Variants in CSMD1 observed in about 807,000 individuals in gnomAD.
CSMD1 encodes the protein CUB and sushi domain-containing protein 1.
Under a neutral mutation model 417.5 loss-of-function variants are expected in CSMD1, and 213 were observed. The observed-to-expected ratio is 0.51, with a 90% CI of 0.46 to 0.57. CSMD1 has a LOEUF of 0.57. CSMD1 is among the 20% of genes least tolerant of loss of function. The pLI is 0.00. For missense variants in CSMD1, 6,923 were observed against 4,529.7 expected, an observed-to-expected ratio of 1.53 and a Z score of -15.17; for synonymous variants, 2,862 against 1,736.8, an observed-to-expected ratio of 1.65 and a Z score of -16.11.
At chr8:3,988,908 T>C (rs948406770) in intron 5 of CSMD1, among the ~76,000 whole-genome samples, 3 of 152,232 alleles carry the variant, frequency 2.0e-5, no homozygotes, top group African/African-American at 7.2e-5. Context: ...GATCAATGTT[T>C]TAAAAGTTGA....
chr8:4,207,320 G>C (rs73658481), intron 3 of CSMD1, among the ~76,000 whole-genome samples: 1 of 152,056 alleles, frequency 6.6e-6, no homozygotes, highest in Admixed American at 6.6e-5. Flanking sequence ...ACTTTTAGTG[G>C]CTAGGACTCG....
chr8:3,128,583 C>A, intron 41 of CSMD1: 1 of 288,256 alleles, frequency 3.5e-6, no homozygotes, highest in East Asian at 9.1e-5. Context: ...ATTTGACTTA[C>A]ATATCAGAGT....
chr8:3,821,757 G>A (rs1023432664), intron 5 of CSMD1, among the ~76,000 whole-genome samples: 1 of 152,140 alleles, frequency 6.6e-6, no homozygotes, highest in Non-Finnish European at 1.5e-5. Flanking sequence ...ACTCCAGCCT[G>A]GGTGACAGAG....
intron 3 of CSMD1, among the ~76,000 whole-genome samples, chr8:4,299,343 G>A (rs933541175): frequency 1.8e-4 from 28 of 152,076 alleles, no homozygotes; most frequent in Non-Finnish European, 3.7e-4. Flanking sequence ...CCAAGAGGGG[G>A]TTTTTACTTG....
intron 1 of CSMD1, among the ~76,000 whole-genome samples, chr8:4,764,897 AC>A (rs796905078): frequency 6.5e-3 from 101 of 15,604 alleles, no homozygotes; most frequent in African/African-American, 0.023. Context: ...AAAAAAAACA[AC>A]AACAACAAAA....
intron 3 of CSMD1, among the ~76,000 whole-genome samples, chr8:4,296,178 C>T (rs1409177584): frequency 6.6e-6 from 1 of 152,102 alleles, no homozygotes; most frequent in Non-Finnish European, 1.5e-5. Flanking sequence ...GGGTCTCCCT[C>T]CTGGCACCTT....
intron 18 of CSMD1, among the ~76,000 whole-genome samples, chr8:3,377,985 G>C (rs59125032): frequency 0.054 from 8,210 of 152,230 alleles, 418 homozygotes; most frequent in South Asian, 0.19. Flanking sequence ...TCATGGCCTG[G>C]AGCAATTCCA....
At chr8:3,007,804 G>T (rs565349906) in intron 52 of CSMD1, among the ~76,000 whole-genome samples, 1 of 149,302 alleles carries the variant, frequency 6.7e-6, no homozygotes. Flanking sequence ...ATAGCATCGG[G>T]AGATATACCT....
In CSMD1 at chr8:4,446,891, G is replaced by A. The variant is rs538056847; in HGVS notation, c.303-26826C>T. 9.2e-5 allele frequency among the ~76,000 whole-genome samples: 14 copies of A among 151,446 alleles called. No individual in the cohort carries two copies. The South Asian group carries it at 2.5e-3, about 27-fold the overall frequency. On this transcript the variant is annotated intron_variant, in intron 2 of 69. Coordinates refer to ENST00000635120, the MANE Select transcript of CSMD1 (RefSeq NM_033225.6). Reference sequence around the variant, plus strand: ...CCGCCTTGGCCTCCCAATGTTCTGGGATTACAGGCGTGAGCCATTGCGCCT... The same window carrying A: ...CCGCCTTGGCCTCCCAATGTTCTGGAATTACAGGCGTGAGCCATTGCGCCT...
At chr8:4,153,685 G>A (rs919220244) in intron 3 of CSMD1, among the ~76,000 whole-genome samples, 26 of 152,288 alleles carry the variant, frequency 1.7e-4, no homozygotes, top group African/African-American at 5.3e-4. Flanking sequence ...TGGAATTTCC[G>A]CTTCCATCAA....
intron 18 of CSMD1, among the ~76,000 whole-genome samples, chr8:3,385,519 T>C (rs1810954024): frequency 6.6e-6 from 1 of 152,058 alleles, no homozygotes. Flanking sequence ...TACTTTTGCA[T>C]TTGTTAGGAT....
intron 3 of CSMD1, among the ~76,000 whole-genome samples, chr8:4,371,805 G>C (rs974192598): frequency 6.6e-6 from 1 of 152,160 alleles, no homozygotes; most frequent in Non-Finnish European, 1.5e-5. Context: ...TTGTTGGACT[G>C]CCAAGCAATT....
chr8:4,107,617 C>G (rs190727229), intron 3 of CSMD1, among the ~76,000 whole-genome samples: 2 of 152,286 alleles, frequency 1.3e-5, no homozygotes, highest in Admixed American at 1.3e-4. Flanking sequence ...ATGAGCGACT[C>G]AAACTGCATG....
At chr8:3,456,670 T>C (rs1350771503) in intron 12 of CSMD1, among the ~76,000 whole-genome samples, 3 of 152,192 alleles carry the variant, frequency 2.0e-5, no homozygotes, top group Admixed American at 1.3e-4. Flanking sequence ...CAATCACATC[T>C]TCAGCTTGCT....
intron 7 of CSMD1, among the ~76,000 whole-genome samples, chr8:3,655,490 T>C (rs1270003562): frequency 6.6e-6 from 1 of 152,086 alleles, no homozygotes; most frequent in South Asian, 2.1e-4. Flanking sequence ...CAGAAATAGG[T>C]TTGGCATAAA....
At chr8:3,764,129 C>T (rs937891617) in intron 5 of CSMD1, among the ~76,000 whole-genome samples, 3 of 152,154 alleles carry the variant, frequency 2.0e-5, no homozygotes, top group African/African-American at 7.2e-5. Context: ...CAAAGCAGGG[C>T]TCAGGGAGTG....
At chr8:4,877,405 A>G (rs972111804) in intron 1 of CSMD1, among the ~76,000 whole-genome samples, 3 of 151,878 alleles carry the variant, frequency 2.0e-5, no homozygotes, top group African/African-American at 7.3e-5. Context: ...TAATAATTCC[A>G]TTGTAAAGAA....
intron 3 of CSMD1, among the ~76,000 whole-genome samples, chr8:4,143,126 G>A (rs1286503229): frequency 1.5e-5 from 2 of 134,784 alleles, no homozygotes; most frequent in African/African-American, 5.6e-5. Flanking sequence ...TGGAGGATTG[G>A]AATTAGCATT....
intron 5 of CSMD1, among the ~76,000 whole-genome samples, chr8:3,921,998 G>A (rs1809308403): frequency 6.6e-6 from 1 of 152,082 alleles, no homozygotes; most frequent in African/African-American, 2.4e-5. Flanking sequence ...GTTCCATACT[G>A]TTAATATATT....
Sources: allele counts gnomAD v4.1 joint callset (sites outside exome capture counted in the v4.1 genomes callset), GRCh38; gene constraint gnomAD v4.1.1; transcripts MANE v1.5; gene names NCBI Gene and HGNC (gene_info 2026-07-23, HGNC 2026-07-21).